Variants in BBS4 observed in about 807,000 individuals in gnomAD.
BBS4 encodes BBSome complex member BBS4.
In BBS4, 58 loss-of-function variants were observed where a neutral mutation model predicts 71.4. That is an observed-to-expected ratio of 0.81 (90% CI 0.66 to 1.01). The LOEUF is 1.01. Among genes scored for constraint, BBS4 ranks in the 50% least tolerant of loss-of-function variants. The pLI is 0.00. For synonymous variants in BBS4, 228 were observed against 216.8 expected, an observed-to-expected ratio of 1.05 and a Z score of -0.46; for missense variants, 660 against 607.9, an observed-to-expected ratio of 1.09 and a Z score of -0.90.
chr15:72,714,434 C>T (rs1282436543), intron 4 of BBS4, among the ~76,000 whole-genome samples: 1 of 152,014 alleles, frequency 6.6e-6, no homozygotes, highest in Non-Finnish European at 1.5e-5. Flanking sequence ...CCATATTGGC[C>T]AGGCTGGTCT....
Position 72,735,920 on chromosome 15 carries a change from AAGTC to A in BBS4, c.1205_1208del (p.Val402AlafsTer66), listed in dbSNP as rs767359099. 2.5e-6 allele frequency: 4 copies of A among 1,614,106 alleles called. No homozygotes were observed. The highest frequency in any genetic ancestry group is 1.1e-5 in the South Asian group (1 of 91,074). On this transcript the variant is annotated frameshift_variant, in exon 14 of 16. Coordinates refer to ENST00000268057, the MANE Select transcript of BBS4 (RefSeq NM_033028.5). LOFTEE classifies it high-confidence loss of function. ...GCCCAATATCAGGAGATGGAGAAGA[AAGTC>A]AGCCTACTCAAGGACAATAGCTCTC...
intron 4 of BBS4, among the ~76,000 whole-genome samples, chr15:72,714,398 G>A (rs1003759277): frequency 2.0e-5 from 3 of 151,870 alleles, no homozygotes; most frequent in Admixed American, 6.6e-5. Context: ...GCTAGTTTTT[G>A]TATTTTTAGT....
At chr15:72,730,538 G>A (rs28562097) in intron 10 of BBS4, among the ~76,000 whole-genome samples, 29,144 of 150,492 alleles carry the variant, frequency 0.19, 3,330 homozygotes, top group African/African-American at 0.32. Context: ...TCTACAGTGG[G>A]CTATGATGGC....
intron 4 of BBS4, among the ~76,000 whole-genome samples, chr15:72,712,889 CTTT>C (rs942510278): frequency 2.0e-5 from 3 of 152,116 alleles, no homozygotes; most frequent in Non-Finnish European, 4.4e-5. Context: ...CTTACTATAA[CTTT>C]TTACTTTATA....
intron 2 of BBS4, among the ~76,000 whole-genome samples, chr15:72,703,540 C>T (rs2151008151): frequency 6.6e-6 from 1 of 152,264 alleles, no homozygotes; most frequent in Admixed American, 6.5e-5. Context: ...AGGAAATTAA[C>T]ATTTATTGAA....
At chr15:72,686,616 A>C (rs2064848063) in intron 1 of BBS4, 2 of 1,281,416 alleles carry the variant, frequency 1.6e-6, no homozygotes, top group Admixed American at 4.5e-5. Context: ...TGAATTGGGA[A>C]TTTAACATGC....
intron 2 of BBS4, among the ~76,000 whole-genome samples, chr15:72,703,290 C>G (rs1199680939): frequency 6.6e-6 from 1 of 152,168 alleles, no homozygotes; most frequent in Non-Finnish European, 1.5e-5. Flanking sequence ...ATGCAGACTT[C>G]TGATTTGTCT....
At chr15:72,716,898 G>T in intron 6 of BBS4, 48 bp downstream of exon 6, 1 of 1,310,226 alleles carries the variant, frequency 7.6e-7, no homozygotes, top group Non-Finnish European at 1.1e-6. Context: ...CTTGCTAATG[G>T]TTCCATTTAT....
chr15:72,731,795 G>T, intron 12 of BBS4, 69 bp downstream of exon 12: 1 of 1,578,698 alleles, frequency 6.3e-7, no homozygotes, highest in Admixed American at 1.7e-5. Flanking sequence ...TAGAATCATA[G>T]AAGATCAGTG....
At chr15:72,698,739 A>G (rs960208144) in intron 2 of BBS4, among the ~76,000 whole-genome samples, 8 of 152,150 alleles carry the variant, frequency 5.3e-5, no homozygotes, top group Non-Finnish European at 1.0e-4. Context: ...GAAATATGTC[A>G]TTTCCTGTAC....
At position 72,737,655 on chromosome 15, in the gene BBS4, A is replaced by G; in HGVS notation, c.*68A>G. 1 of 1,282,496 alleles carries G rather than the reference A, an allele frequency of 7.8e-7. No homozygotes were observed. Among genetic ancestry groups the G allele is most frequent in the Non-Finnish European group, 1.1e-6 (1 of 909,400 alleles). The allele number at this position is 1,282,496 out of a possible 1,614,324, so 79.4% of individuals were successfully genotyped here. On this transcript the variant is annotated 3_prime_UTR_variant, in exon 16 of 16. Transcript: ENST00000268057. Reference sequence around the variant, plus strand: ...GATGTGCTGGATTAGGAAAGGTGACATGACACAGGCAGAGCAGAGTGGCAC... The same window carrying G: ...GATGTGCTGGATTAGGAAAGGTGACGTGACACAGGCAGAGCAGAGTGGCAC...
At chr15:72,692,266 A>C (rs560682328) in intron 1 of BBS4, among the ~76,000 whole-genome samples, 37 of 145,666 alleles carry the variant, frequency 2.5e-4, no homozygotes, top group African/African-American at 9.4e-4. Flanking sequence ...GTCATGGTGG[A>C]TATGAAATTA....
chr15:72,690,071 A>G (rs1206570239), intron 1 of BBS4, among the ~76,000 whole-genome samples: 1 of 152,080 alleles, frequency 6.6e-6, no homozygotes, highest in African/African-American at 2.4e-5. Flanking sequence ...CAGCCTCCCA[A>G]AGTGCTGGGA....
At chr15:72,725,055 T>TAGAGAG (rs201886458) in intron 8 of BBS4, among the ~76,000 whole-genome samples, 2,046 of 111,568 alleles carry the variant, frequency 0.018, 16 homozygotes, top group African/African-American at 0.027. Context: ...TATATATATA[T>TAGAGAG]ATAGAGAGAG....
intron 8 of BBS4, 135 bp downstream of exon 8, chr15:72,724,790 A>G: frequency 8.6e-7 from 1 of 1,163,750 alleles, no homozygotes; most frequent in Non-Finnish European, 1.2e-6. Context: ...CTGAAGTTTA[A>G]GAGCTCCCAG....
intron 2 of BBS4, among the ~76,000 whole-genome samples, chr15:72,696,135 C>T (rs191502883): frequency 3.1e-4 from 47 of 152,194 alleles, no homozygotes; most frequent in African/African-American, 1.1e-3. Flanking sequence ...TCAGTTCTAT[C>T]AATTTTTGAT....
At chr15:72,713,802 G>A (rs1348148588) in intron 4 of BBS4, among the ~76,000 whole-genome samples, 1 of 152,134 alleles carries the variant, frequency 6.6e-6, no homozygotes, top group Non-Finnish European at 1.5e-5. Flanking sequence ...AATCTTAAGT[G>A]ATCATCATCA....
rs1595929461 is a variant in BBS4 at position 72,716,789 on chromosome 15, G to A, written c.344G>A (p.Gly115Glu). Residue 115 changes from glycine (G) to glutamate (E), a missense_variant, in exon 6 of 16, where the codon GGA (glycine) becomes GAA (glutamate). Coordinates refer to ENST00000268057, the MANE Select transcript of BBS4 (RefSeq NM_033028.5). ...KQVARSLFLLGKHKAAIEVYN... is the reference protein window; with the variant it reads ...KQVARSLFLLEKHKAAIEVYN... Reference sequence around the variant, plus strand: ...TATATCTTTTACAGATTTCTTTTGGGAAAACATAAAGCTGCCATTGAAGTA... The same window carrying A: ...TATATCTTTTACAGATTTCTTTTGGAAAAACATAAAGCTGCCATTGAAGTA... The A allele has an allele frequency of 6.2e-7, 1 of 1,608,596 alleles. No individual in the cohort carries two copies. Among genetic ancestry groups the A allele is most frequent in the South Asian group, 1.1e-5 (1 of 90,460 alleles).
chr15:72,729,393 G>A (rs529403675), intron 9 of BBS4, among the ~76,000 whole-genome samples: 99 of 151,880 alleles, frequency 6.5e-4, no homozygotes, highest in African/African-American at 2.3e-3. Flanking sequence ...TGGGATTACA[G>A]GCATGTGCCA....
Sources: allele counts gnomAD v4.1 joint callset (sites outside exome capture counted in the v4.1 genomes callset), GRCh38; gene constraint gnomAD v4.1.1; transcripts MANE v1.5; gene names NCBI Gene and HGNC (gene_info 2026-07-23, HGNC 2026-07-21).